The following BEST1 variants were observed in gnomAD, a reference collection of about 807,000 sequenced individuals.
The protein encoded by BEST1 is bestrophin 1, also known as bestrophin-1.
BEST1 carries 58 observed loss-of-function variants against 63.3 expected under a neutral mutation model. That is an observed-to-expected ratio of 0.92 (90% CI 0.74 to 1.14). BEST1 has a LOEUF of 1.14. Among genes scored for constraint, BEST1 ranks in the 50% most tolerant of loss-of-function variants. The pLI, the probability that BEST1 is intolerant of heterozygous loss-of-function variation, is 0.00. For synonymous variants in BEST1, 283 were observed against 291.6 expected, an observed-to-expected ratio of 0.97 and a Z score of 0.30; for missense variants, 671 against 740.1, an observed-to-expected ratio of 0.91 and a Z score of 1.08.
At chr11:61,956,035 C>T in intron 4 of BEST1, 84 bp downstream of exon 4, 1 of 1,327,066 alleles carries the variant, frequency 7.5e-7, no homozygotes, top group Non-Finnish European at 1.0e-6. Flanking sequence ...ATGGGTGGAG[C>T]CAAAGTCCCC....
At chr11:61,963,023 C>A (rs1942242680) in intron 10 of BEST1, 130 bp downstream of exon 10, 8 of 1,572,406 alleles carry the variant, frequency 5.1e-6, no homozygotes, top group Non-Finnish European at 6.9e-6. Context: ...TGGACCTACG[C>A]CCAGCACTGG....
downstream of BEST1, chr11:61,964,805 C>T (rs1215156476): frequency 1.9e-6 from 3 of 1,600,238 alleles, no homozygotes; most frequent in Non-Finnish European, 2.5e-6. Context: ...GCGCTCCCAT[C>T]TTGCGCAAGT....
intron 9 of BEST1, 42 bp downstream of exon 9, chr11:61,960,085 G>A (rs774215585): frequency 4.1e-5 from 65 of 1,593,578 alleles, no homozygotes; most frequent in Non-Finnish European, 5.2e-5. Flanking sequence ...GCCCCTCCTA[G>A]TGCAGGGGTC....
At chr11:61,955,224 T>C in intron 3 of BEST1, 23 bp downstream of exon 3, 1 of 1,602,930 alleles carries the variant, frequency 6.2e-7, no homozygotes, top group South Asian at 1.1e-5. Context: ...TTCTGGCTGT[T>C]CCGGGTCCCT....
At chr11:61,965,203 C>T, downstream of BEST1, 1 of 1,593,510 alleles carries the variant, frequency 6.3e-7, no homozygotes, top group Non-Finnish European at 8.5e-7. Flanking sequence ...GCAAAAGGGA[C>T]ATTACTATTT....
At chr11:61,958,903 CACAT>C (rs1379649283) in intron 7 of BEST1, 132 of 31,178 alleles carry the variant, frequency 4.2e-3, no homozygotes, top group African/African-American at 0.013. Flanking sequence ...CACACACACA[CACAT>C]ACACACACAC....
chr11:61,961,021 CTT>C (rs879538872), intron 9 of BEST1: 4 of 139,780 alleles, frequency 2.9e-5, no homozygotes, highest in Admixed American at 7.0e-5. Flanking sequence ...TTGTTCTTTT[CTT>C]TTTTTTTTTT....
intron 3 of BEST1, 174 bp from the exon 4 acceptor site, chr11:61,955,544 G>T: frequency 1.0e-6 from 1 of 997,508 alleles, no homozygotes; most frequent in South Asian, 1.7e-5. Flanking sequence ...GGGCTCTCGC[G>T]CCTCCATGCG....
At chr11:61,955,398 C>G in intron 3 of BEST1, 197 bp downstream of exon 3, 1 of 1,445,234 alleles carries the variant, frequency 6.9e-7, no homozygotes, top group Non-Finnish European at 9.1e-7. Context: ...GTAAGACGTC[C>G]TGCCGTTAGC....
rs761347651 is a variant in BEST1 at position 61,963,032 on chromosome 11, G to A, written c.1739+139G>A. 3 of 1,553,916 alleles carry A rather than the reference G, an allele frequency of 1.9e-6. No homozygotes were observed. The highest frequency in any genetic ancestry group is 2.6e-6 in the Non-Finnish European group (3 of 1,147,354). Reference sequence around the variant, plus strand: ...GCACACTGGACCTACGCCCAGCACTGGCTTGGGGTATATACTTGGCCACCT... The same window carrying A: ...GCACACTGGACCTACGCCCAGCACTAGCTTGGGGTATATACTTGGCCACCT... On this transcript the variant is annotated intron_variant, in intron 10 of 10. Coordinates refer to ENST00000378043, the MANE Select transcript of BEST1 (RefSeq NM_004183.4).
intron 10 of BEST1, chr11:61,963,822 G>A: frequency 1.6e-6 from 2 of 1,272,054 alleles, no homozygotes; most frequent in Non-Finnish European, 2.0e-6. Context: ...TGGCCAACAT[G>A]ATGAAACCCC....
At chr11:61,963,549 C>G in intron 10 of BEST1, 1 of 1,027,218 alleles carries the variant, frequency 9.7e-7, no homozygotes, top group Non-Finnish European at 1.2e-6. Context: ...TTATAAACAC[C>G]CCACTTCAGC....
intron 10 of BEST1, 190 bp from the exon 11 acceptor site, chr11:61,963,914 C>T (rs1942335060): frequency 1.4e-6 from 2 of 1,396,248 alleles, no homozygotes; most frequent in East Asian, 2.6e-5. Context: ...GGGAGAATTG[C>T]TTGAACCCAG....
In BEST1 at chr11:61,959,646, C is replaced by G. The variant is rs1351604367; in HGVS notation, c.948+68C>G. On this transcript the variant is annotated intron_variant, in intron 8 of 10. Transcript: ENST00000378043. ...AAGTGGACCCAAAGAGAGGACCCCACTGTTCTGTAGGGAGGCCTCACAGTG... is the reference window on the plus strand; with the variant it reads ...AAGTGGACCCAAAGAGAGGACCCCAGTGTTCTGTAGGGAGGCCTCACAGTG... 3.9e-6 allele frequency: 6 copies of G among 1,557,060 alleles called. No individual in the cohort carries two copies. In the African/African-American group the frequency reaches 8.1e-5, roughly 21 times the overall value.
In BEST1 at chr11:61,955,093, A is replaced by ACCCCCCCCCCCC; in HGVS notation, c.153-9_153-8insCCCCCCCCCCCC. 3.4e-6 allele frequency: 4 copies of ACCCCCCCCCCCC among 1,166,944 alleles called. No homozygotes were observed. Among genetic ancestry groups the ACCCCCCCCCCCC allele is most frequent in the South Asian group, 1.3e-5 (1 of 78,560 alleles). The allele number at this position is 1,166,944 out of a possible 1,614,324, so 72.3% of individuals were successfully genotyped here. On this transcript the variant is annotated splice_polypyrimidine_tract_variant and intron_variant, in intron 2 of 10. Coordinates refer to ENST00000378043, the MANE Select transcript of BEST1 (RefSeq NM_004183.4). ...GCTGCGTCCACACAATTCCACCCCC[A>ACCCCCCCCCCCC]CCCCCACCCCCAGGCTGGCCCTCAC...
intron 1 of BEST1, among the ~76,000 whole-genome samples, chr11:61,950,842 C>A (rs188563121): frequency 3.3e-5 from 5 of 152,220 alleles, no homozygotes; most frequent in Admixed American, 2.6e-4. Context: ...GGCAGTGGGG[C>A]TCTATTTCCA....
rs1173614954 is a variant in BEST1, at chr11:61,955,211, C to G, written c.247+10C>G. On this transcript the variant is annotated intron_variant, in intron 3 of 10. Coordinates refer to ENST00000378043, the MANE Select transcript of BEST1 (RefSeq NM_004183.4). ...ATTTCCTTCGTGCTGGGTGAGTTCC[C>G]CCTTCTGGCTGTTCCGGGTCCCTGT... 1.9e-6 allele frequency: 3 copies of G among 1,614,200 alleles called. No homozygotes were observed. The highest frequency in any genetic ancestry group is 2.5e-6 in the Non-Finnish European group (3 of 1,180,022).
chr11:61,957,257 G>A (rs1253998852), intron 5 of BEST1, 130 bp from the exon 6 acceptor site: 1 of 997,410 alleles, frequency 1.0e-6, no homozygotes, highest in African/African-American at 1.6e-5. Flanking sequence ...GGTTTAGTGA[G>A]CTTCCCATGG....
At chr11:61,960,366 G>C (rs17156602) in intron 9 of BEST1, 4,693 of 439,008 alleles carry the variant, frequency 0.011, 160 homozygotes, top group African/African-American at 0.08. Flanking sequence ...TTGTCATCCA[G>C]AACTATGTTT....
Sources: gnomAD v4.1 joint callset for allele counts (sites outside exome capture counted in the v4.1 genomes callset) on GRCh38, gnomAD v4.1.1 for gene constraint, MANE v1.5 for transcripts, NCBI Gene and HGNC (gene_info 2026-07-23, HGNC 2026-07-21) for gene names.